The following PRUNE2 variants were observed in gnomAD, a reference collection of about 807,000 sequenced individuals.
PRUNE2 encodes prune homolog 2 with BCH domain.
In PRUNE2, 164 loss-of-function variants were observed where a neutral mutation model predicts 252.0. The ratio of observed to expected loss-of-function variants is 0.65; its 90% CI spans 0.57 to 0.74. PRUNE2 has a LOEUF of 0.74. PRUNE2 is among the 30% of genes least tolerant of loss of function. PRUNE2 has a pLI of 0.00. For synonymous variants in PRUNE2, 1,292 were observed against 1,350.2 expected (o/e 0.96, Z 0.94); for missense variants, 3,495 against 3,711.0 (o/e 0.94, Z 1.51).
chr9:76,766,892 C>T (rs557122800), intron 6 of PRUNE2, among the ~76,000 whole-genome samples: 103 of 152,304 alleles, frequency 6.8e-4, no homozygotes, highest in African/African-American at 2.4e-3. Context: ...CACAGGCATA[C>T]ACATACACAA....
At chr9:76,866,480 G>T (rs914419705) in intron 1 of PRUNE2, among the ~76,000 whole-genome samples, 1 of 152,196 alleles carries the variant, frequency 6.6e-6, no homozygotes, top group African/African-American at 2.4e-5. Context: ...GAAATATTTT[G>T]TAAAGTTCAA....
intron 10 of PRUNE2, among the ~76,000 whole-genome samples, chr9:76,653,888 C>T (rs920495979): frequency 2.6e-5 from 4 of 152,142 alleles, no homozygotes; most frequent in Non-Finnish European, 5.9e-5. Flanking sequence ...AGCTGCCTTT[C>T]ATTTAATAGA....
At chr9:76,619,928 C>A (rs1246760590) in intron 17 of PRUNE2, among the ~76,000 whole-genome samples, 4 of 152,154 alleles carry the variant, frequency 2.6e-5, no homozygotes, top group African/African-American at 9.7e-5. Context: ...ACAAATGAAT[C>A]CTACCATTTA....
intron 6 of PRUNE2, among the ~76,000 whole-genome samples, chr9:76,823,070 A>G (rs1368217883): frequency 6.6e-6 from 1 of 152,240 alleles, no homozygotes; most frequent in African/African-American, 2.4e-5. Flanking sequence ...CAAAGTAGAC[A>G]AAAGATAACT....
rs1191749220 is a variant in PRUNE2 at position 76,707,641 on chromosome 9, C to G, written c.4633G>C (p.Ala1545Pro). Residue 1545 changes from alanine to proline, a missense_variant, in exon 8 of 19, where the codon GCA becomes CCA. Ala to Pro is a conservative substitution (Grantham distance 27). Transcript: ENST00000376718. Reference sequence around the variant, plus strand: ...GAGTCATTTAACTCAGGACTTGATGCACTTGAATGAGTATACTCACTAGAA... The same window carrying G: ...GAGTCATTTAACTCAGGACTTGATGGACTTGAATGAGTATACTCACTAGAA... ...TISSEYTHSS[A>P]SSPELNDSSV... 6.2e-7 allele frequency: 1 copy of G among 1,613,750 alleles called. No homozygotes were observed. The highest frequency in any genetic ancestry group is 8.5e-7 in the Non-Finnish European group (1 of 1,179,832).
intron 6 of PRUNE2, among the ~76,000 whole-genome samples, chr9:76,794,343 G>A (rs1001518826): frequency 2.6e-5 from 4 of 152,140 alleles, no homozygotes; most frequent in Admixed American, 6.5e-5. Context: ...CCGAGCGAGC[G>A]CGGTCGCTCA....
intron 6 of PRUNE2, chr9:76,819,370 T>C (rs1296890263): frequency 2.0e-5 from 3 of 152,250 alleles, no homozygotes; most frequent in Non-Finnish European, 2.9e-5. Flanking sequence ...GATGTGAAGA[T>C]GAAGGCAGAG....
chr9:76,828,362 T>C (rs1249083882), intron 4 of PRUNE2, among the ~76,000 whole-genome samples: 1 of 152,112 alleles, frequency 6.6e-6, no homozygotes, highest in Non-Finnish European at 1.5e-5. Flanking sequence ...AAAAATTAGG[T>C]TGGAGAGATA....
intron 1 of PRUNE2, among the ~76,000 whole-genome samples, chr9:76,894,865 C>A (rs560460843): frequency 7.9e-5 from 12 of 152,098 alleles, no homozygotes; most frequent in Admixed American, 3.3e-4. Context: ...GCTAAAGACA[C>A]GCACACAAAA....
At chr9:76,827,800 C>T (rs1199254743) in intron 4 of PRUNE2, among the ~76,000 whole-genome samples, 2 of 152,198 alleles carry the variant, frequency 1.3e-5, no homozygotes, top group Admixed American at 1.3e-4. Context: ...CGTCTGGCCT[C>T]CGTTTCCAGT....
chr9:76,739,169 G>A (rs1360501340), intron 6 of PRUNE2: 1 of 152,140 alleles, frequency 6.6e-6, no homozygotes, highest in African/African-American at 2.4e-5. Context: ...AACTGCAGAA[G>A]TAAAACAGGA....
chr9:76,900,590 T>C (rs1174210803), intron 1 of PRUNE2, among the ~76,000 whole-genome samples: 3 of 152,328 alleles, frequency 2.0e-5, no homozygotes, highest in South Asian at 2.1e-4. Context: ...TCCATAGGAA[T>C]GCTGCCTCCT....
At chr9:76,748,092 G>A (rs1285092005) in intron 6 of PRUNE2, among the ~76,000 whole-genome samples, 2 of 151,970 alleles carry the variant, frequency 1.3e-5, no homozygotes, top group South Asian at 2.1e-4. Context: ...CAACGTGCCC[G>A]GCCCACTTCT....
intron 6 of PRUNE2, among the ~76,000 whole-genome samples, chr9:76,725,448 T>C (rs759898994): frequency 2.6e-5 from 4 of 152,204 alleles, no homozygotes; most frequent in Non-Finnish European, 5.9e-5. Flanking sequence ...ATGAAGCCTC[T>C]CTGCTGACAA....
rs2056410118 is a variant in PRUNE2, at chr9:76,799,733, T to A, written c.756+23899A>T. Among the ~76,000 whole-genome samples, 13 of 152,206 alleles carry A rather than the reference T, an allele frequency of 8.5e-5. 1 individual carries two copies. The highest frequency in any genetic ancestry group is 7.9e-4 in the Admixed American group (12 of 15,282). On this transcript the variant is annotated intron_variant, in intron 6 of 18. Coordinates refer to ENST00000376718, the MANE Select transcript of PRUNE2 (RefSeq NM_015225.3). ...AAGAACTGCGTGATCACTGTAGATA[T>A]CTTTATAGATACCATAAAACTCTGT...
At chr9:76,905,549 T>C (rs2063439422) in intron 1 of PRUNE2, among the ~76,000 whole-genome samples, 2 of 152,232 alleles carry the variant, frequency 1.3e-5, no homozygotes, top group South Asian at 2.1e-4. Flanking sequence ...TCTCTTTTTT[T>C]CCTTTTACAC....
In PRUNE2 at chr9:76,786,330, T is replaced by C. The variant is rs193172563; in HGVS notation, c.756+37302A>G. The C allele has an allele frequency of 9.2e-5, 14 of 152,286 alleles. No homozygotes were observed. In the East Asian group the frequency reaches 2.7e-3, roughly 29 times the overall value. The allele number at this position is 152,286 out of a possible 1,614,324, so 9.4% of individuals were successfully genotyped here. ...TCAACATTAGGGATTCAAAGAAATATTAGATTTAAGCTCACACTGGTCAAA... is the reference window on the plus strand; with the variant it reads ...TCAACATTAGGGATTCAAAGAAATACTAGATTTAAGCTCACACTGGTCAAA... On this transcript the variant is annotated intron_variant, in intron 6 of 18. Transcript: ENST00000376718.
intron 9 of PRUNE2, among the ~76,000 whole-genome samples, chr9:76,671,420 C>T (rs544018127): frequency 6.6e-5 from 10 of 150,638 alleles, no homozygotes; most frequent in East Asian, 5.9e-4. Context: ...ACCAAATCTA[C>T]GTCTGATTGG....
intron 4 of PRUNE2, among the ~76,000 whole-genome samples, chr9:76,841,963 T>G (rs972622262): frequency 1.5e-4 from 23 of 152,302 alleles, no homozygotes; most frequent in African/African-American, 5.3e-4. Flanking sequence ...AAGCTACCAC[T>G]GACTTTCTTC....
Sources: gnomAD v4.1 joint callset for allele counts (sites outside exome capture counted in the v4.1 genomes callset) on GRCh38, gnomAD v4.1.1 for gene constraint, MANE v1.5 for transcripts, NCBI Gene and HGNC (gene_info 2026-07-23, HGNC 2026-07-21) for gene names.